WDR25: variants seen among roughly 807,000 people sequenced by gnomAD.
WDR25 encodes WD repeat domain 25, also known as WD repeat-containing protein 25.
In WDR25, 35 loss-of-function variants were observed where a neutral mutation model predicts 47.7. The ratio of observed to expected loss-of-function variants is 0.73; its 90% CI spans 0.56 to 0.97. The LOEUF (loss-of-function observed/expected upper bound fraction) is 0.97. WDR25 is among the 50% of genes least tolerant of loss of function. The pLI, the probability that WDR25 is intolerant of heterozygous loss-of-function variation, is 0.00. For synonymous variants in WDR25, 248 were observed against 278.9 expected (o/e 0.89, Z 1.10); for missense variants, 634 against 704.7 (o/e 0.90, Z 1.14).
chr14:100,491,582 G>A (rs957784686), intron 4 of WDR25, among the ~76,000 whole-genome samples: 2 of 152,218 alleles, frequency 1.3e-5, no homozygotes, highest in Admixed American at 6.5e-5. Flanking sequence ...CTATACCGTC[G>A]AGGTTCGTGT....
chr14:100,487,676 G>A (rs1209956818), intron 4 of WDR25: 1 of 152,232 alleles, frequency 6.6e-6, no homozygotes, highest in African/African-American at 2.4e-5. Flanking sequence ...TGTTTTCCAA[G>A]TGGGAACTGT....
chr14:100,379,582 T>C (rs1410881988), intron 1 of WDR25, among the ~76,000 whole-genome samples: 1 of 151,898 alleles, frequency 6.6e-6, no homozygotes, highest in East Asian at 1.9e-4. Flanking sequence ...GAGACGGGGC[T>C]TTGCCATATT....
chr14:100,492,369 G>A (rs1355187215), intron 4 of WDR25, among the ~76,000 whole-genome samples: 1 of 152,236 alleles, frequency 6.6e-6, no homozygotes, highest in Non-Finnish European at 1.5e-5. Context: ...CACTGGGACT[G>A]TGTAAGAAGA....
chr14:100,397,880 C>T (rs572552608), intron 2 of WDR25, among the ~76,000 whole-genome samples: 1 of 152,208 alleles, frequency 6.6e-6, no homozygotes, highest in Non-Finnish European at 1.5e-5. Context: ...GCTCTGTCGC[C>T]TAGGCTGGAG....
At chr14:100,380,516 C>T (rs1896856427) in intron 1 of WDR25, among the ~76,000 whole-genome samples, 1 of 144,796 alleles carries the variant, frequency 6.9e-6, no homozygotes, top group African/African-American at 2.6e-5. Context: ...TTTTTTGAGT[C>T]AGAGTCTCGC....
intron 2 of WDR25, among the ~76,000 whole-genome samples, chr14:100,383,046 C>T (rs73357461): frequency 0.028 from 4,225 of 152,280 alleles, 189 homozygotes; most frequent in African/African-American, 0.095. Flanking sequence ...TTTTCTCCCT[C>T]GGAAACATTT....
At chr14:100,493,482 T>G (rs570405210) in intron 4 of WDR25, among the ~76,000 whole-genome samples, 20 of 152,330 alleles carry the variant, frequency 1.3e-4, no homozygotes, top group African/African-American at 4.8e-4. Flanking sequence ...GACTTTATTT[T>G]TTAGAGGAGT....
At chr14:100,467,930 G>A (rs753106911) in intron 2 of WDR25, 91 bp from the exon 3 acceptor site, 8 of 1,499,566 alleles carry the variant, frequency 5.3e-6, no homozygotes, top group South Asian at 1.2e-5. Flanking sequence ...TAATTCCACC[G>A]AGACCTTTTT....
intron 5 of WDR25, among the ~76,000 whole-genome samples, chr14:100,526,247 G>A (rs1382412781): frequency 6.6e-6 from 1 of 152,166 alleles, no homozygotes; most frequent in East Asian, 1.9e-4. Flanking sequence ...TGCTCTTCTT[G>A]TGCCAGCACA....
intron 2 of WDR25, among the ~76,000 whole-genome samples, chr14:100,391,652 T>TA (rs34455228): frequency 1.1e-4 from 17 of 148,520 alleles, no homozygotes; most frequent in Admixed American, 5.4e-4. Context: ...CATCCAGCCT[T>TA]AAAAAAAAAA....
At chr14:100,398,297 C>T (rs187429657) in intron 2 of WDR25, among the ~76,000 whole-genome samples, 42 of 152,304 alleles carry the variant, frequency 2.8e-4, no homozygotes, top group African/African-American at 8.7e-4. Flanking sequence ...ACTGCTAACA[C>T]GCTGGAGTTT....
intron 2 of WDR25, among the ~76,000 whole-genome samples, chr14:100,412,625 T>C (rs1897744772): frequency 6.6e-6 from 1 of 152,218 alleles, no homozygotes; most frequent in South Asian, 2.1e-4. Flanking sequence ...GGTATTTGTC[T>C]CTAACCTTTC....
At chr14:100,381,968 G>A (rs1896913053) in intron 2 of WDR25, 6 of 663,216 alleles carry the variant, frequency 9.0e-6, no homozygotes, top group Non-Finnish European at 1.6e-5. Context: ...GGTTACCAGA[G>A]GATACTGTTT....
At chr14:100,450,808 C>T (rs1304097454) in intron 2 of WDR25, among the ~76,000 whole-genome samples, 1 of 152,232 alleles carries the variant, frequency 6.6e-6, no homozygotes, top group Non-Finnish European at 1.5e-5. Context: ...TCCAGAGCCC[C>T]TCTTACTGTG....
At chr14:100,417,307 C>T (rs1897896593) in intron 2 of WDR25, among the ~76,000 whole-genome samples, 1 of 152,258 alleles carries the variant, frequency 6.6e-6, no homozygotes, top group Non-Finnish European at 1.5e-5. Context: ...CTTAGTAGGA[C>T]ACTTGGCACA....
At chr14:100,484,654 A>G (rs574810098) in intron 4 of WDR25, among the ~76,000 whole-genome samples, 2 of 152,192 alleles carry the variant, frequency 1.3e-5, no homozygotes, top group Admixed American at 1.3e-4. Context: ...GCCTTTTACC[A>G]TCACCACTTA....
chr14:100,412,505 T>C (rs57002251), intron 2 of WDR25, among the ~76,000 whole-genome samples: 3,722 of 152,236 alleles, frequency 0.024, 163 homozygotes, highest in African/African-American at 0.086. Context: ...AGTCTTTCTG[T>C]GTTTTGTAGT....
intron 2 of WDR25, among the ~76,000 whole-genome samples, chr14:100,409,123 C>T (rs978711468): frequency 3.3e-5 from 5 of 152,130 alleles, no homozygotes; most frequent in African/African-American, 1.2e-4. Flanking sequence ...GACTCACTCC[C>T]AGGTTCCTCC....
intron 2 of WDR25, among the ~76,000 whole-genome samples, chr14:100,408,863 G>C (rs1382524850): frequency 6.6e-6 from 1 of 152,154 alleles, no homozygotes; most frequent in Non-Finnish European, 1.5e-5. Context: ...TTAAAATAAT[G>C]TATGCTCATT....
Sources: gnomAD v4.1 joint callset for allele counts (sites outside exome capture counted in the v4.1 genomes callset) on GRCh38, gnomAD v4.1.1 for gene constraint, MANE v1.5 for transcripts, NCBI Gene and HGNC (gene_info 2026-07-23, HGNC 2026-07-21) for gene names.